SCAF8: variants seen among roughly 807,000 people sequenced by gnomAD.
The protein encoded by SCAF8 is SR-related and CTD-associated factor 8.
SCAF8 carries 23 observed loss-of-function variants against 140.5 expected under a neutral mutation model. The ratio of observed to expected loss-of-function variants is 0.16; its 90% CI spans 0.12 to 0.23. The LOEUF is 0.23. Among genes scored for constraint, SCAF8 ranks in the 10% least tolerant of loss-of-function variants. The pLI, the probability that SCAF8 is intolerant of heterozygous loss-of-function variation, is 1.00. For synonymous variants in SCAF8, 575 were observed against 528.9 expected, an observed-to-expected ratio of 1.09 and a Z score of -1.20; for missense variants, 1,397 against 1,555.7, an observed-to-expected ratio of 0.90 and a Z score of 1.72.
chr6:154,741,396 T>C (rs1329251496), intron 1 of SCAF8, among the ~76,000 whole-genome samples: 1 of 152,100 alleles, frequency 6.6e-6, no homozygotes, highest in Non-Finnish European at 1.5e-5. Flanking sequence ...AAGAGTCATA[T>C]TCTATGATCA....
intron 10 of SCAF8, 128 bp from the exon 11 acceptor site, chr6:154,808,558 A>G (rs1467066148): frequency 7.9e-6 from 5 of 632,592 alleles, no homozygotes; most frequent in Non-Finnish European, 1.4e-5. Flanking sequence ...AGGGAAGCCA[A>G]AAGATTGGAC....
At chr6:154,824,140 C>T in intron 16 of SCAF8, 94 bp from the exon 17 acceptor site, 1 of 1,284,002 alleles carries the variant, frequency 7.8e-7, no homozygotes, top group East Asian at 2.3e-5. Flanking sequence ...TATTTGTTAC[C>T]ATCCTGAAAG....
intron 1 of SCAF8, among the ~76,000 whole-genome samples, chr6:154,757,583 A>G (rs935924162): frequency 2.6e-5 from 4 of 152,212 alleles, no homozygotes; most frequent in African/African-American, 9.7e-5. Flanking sequence ...ATGCTTGGAT[A>G]CCTAATATGT....
At chr6:154,792,492 C>T (rs1476524171) in intron 4 of SCAF8, among the ~76,000 whole-genome samples, 3 of 152,168 alleles carry the variant, frequency 2.0e-5, no homozygotes, top group Non-Finnish European at 2.9e-5. Context: ...AATCCTGGCT[C>T]ATCCTCAGAA....
In SCAF8 at chr6:154,733,445, C is replaced by A; in HGVS notation, c.-456C>A. ...TGGATGCCGCAGCCGCTGCTGCCAG[C>A]GCTTCCTCCTCTGTCTTCGCCGAGC... On this transcript the variant is annotated 5_prime_UTR_variant, in exon 1 of 20. Transcript: ENST00000367178. The A allele has an allele frequency of 7.2e-7, 1 of 1,393,880 alleles. No homozygotes were observed. Among genetic ancestry groups the A allele is most frequent in the South Asian group, 1.5e-5 (1 of 65,878 alleles). 86.3% of individuals were successfully genotyped at this position (1,393,880 alleles called of 1,614,324 possible).
Position 154,733,854 on chromosome 6 carries a change from G to A in SCAF8, c.-47G>A, listed in dbSNP as rs1778331909. 6.5e-7 allele frequency: 1 copy of A among 1,542,858 alleles called. No homozygotes were observed. The highest frequency in any genetic ancestry group is 2.1e-5 in the Admixed American group (1 of 47,176). On this transcript the variant is annotated 5_prime_UTR_variant, in exon 1 of 20. Coordinates refer to ENST00000367178, the MANE Select transcript of SCAF8 (RefSeq NM_014892.5). ...CTCGCTCTCCCCACCCAGTGCAGTGGCCGCCGCCTCTTCCGCCGCCGGGCT... is the reference window on the plus strand; with the variant it reads ...CTCGCTCTCCCCACCCAGTGCAGTGACCGCCGCCTCTTCCGCCGCCGGGCT...
At chr6:154,792,703 A>G (rs545199210) in intron 4 of SCAF8, 120 bp from the exon 5 acceptor site, 2 of 617,024 alleles carry the variant, frequency 3.2e-6, no homozygotes, top group Admixed American at 3.6e-5. Flanking sequence ...AGGGCTAGAA[A>G]GTACCATTGA....
In SCAF8 at chr6:154,833,252, C is replaced by T. The variant is rs1778805620; in HGVS notation, c.3673C>T (p.Pro1225Ser). The T allele has an allele frequency of 6.2e-7, 1 of 1,613,948 alleles. No homozygotes were observed. Among genetic ancestry groups the T allele is most frequent in the East Asian group, 2.2e-5 (1 of 44,836 alleles). ...NGENTERHAQ[P>S]PPIPVQNDPE... Reference sequence around the variant, plus strand: ...TGAAAATACAGAGAGACATGCTCAGCCACCACCTATACCAGTACAGAATGA... The same window carrying T: ...TGAAAATACAGAGAGACATGCTCAGTCACCACCTATACCAGTACAGAATGA... Residue 1225 changes from proline to serine, a missense_variant, in exon 20 of 20, where the codon CCA (proline) becomes TCA (serine). By Grantham distance (74) the Pro-to-Ser change is moderately conservative (BLOSUM62 -1). This residue lies in a region of SCAF8 where 930 missense variants were observed against 874.6 expected (regional missense o/e 1.06). Transcript: ENST00000367178.
intron 18 of SCAF8, among the ~76,000 whole-genome samples, chr6:154,829,035 C>T (rs1357333672): frequency 3.3e-5 from 5 of 152,068 alleles, no homozygotes; most frequent in Non-Finnish European, 7.4e-5. Context: ...ACTAGGGGTA[C>T]ATGTGCAGGT....
intron 9 of SCAF8, among the ~76,000 whole-genome samples, chr6:154,806,287 G>A (rs1275611057): frequency 2.0e-5 from 3 of 152,112 alleles, no homozygotes; most frequent in African/African-American, 7.2e-5. Flanking sequence ...TTATTTCAAA[G>A]CCTTTTTCTG....
chr6:154,744,676 T>G (rs1390101904), intron 1 of SCAF8, among the ~76,000 whole-genome samples: 3 of 152,230 alleles, frequency 2.0e-5, no homozygotes, highest in Admixed American at 2.0e-4. Flanking sequence ...TCATTCAATT[T>G]TTCATAGGTT....
At chr6:154,764,280 T>A (rs1370960763) in intron 1 of SCAF8, among the ~76,000 whole-genome samples, 3 of 150,866 alleles carry the variant, frequency 2.0e-5, no homozygotes, top group Non-Finnish European at 4.4e-5. Context: ...TTCTTTCCTT[T>A]TTTTTTTTTT....
chr6:154,765,920 A>G (rs182166205), intron 1 of SCAF8, among the ~76,000 whole-genome samples: 2 of 152,098 alleles, frequency 1.3e-5, no homozygotes, highest in East Asian at 3.9e-4. Context: ...AGGGGCGCCA[A>G]CCCCCGTGTA....
At chr6:154,773,885 C>A in intron 1 of SCAF8, 104 bp from the exon 2 acceptor site, 1 of 753,744 alleles carries the variant, frequency 1.3e-6, no homozygotes. Flanking sequence ...AAAAGAAAAG[C>A]AGTATGTTGG....
intron 12 of SCAF8, 142 bp from the exon 13 acceptor site, chr6:154,815,574 G>A (rs1778226328): frequency 5.4e-6 from 2 of 370,324 alleles, no homozygotes; most frequent in Admixed American, 3.7e-5. Context: ...CATAACAGAT[G>A]CAAGTGTTCA....
intron 15 of SCAF8, 38 bp from the exon 16 acceptor site, chr6:154,822,238 C>G (rs763312089): frequency 1.1e-5 from 17 of 1,572,574 alleles, no homozygotes; most frequent in Non-Finnish European, 1.0e-5. Context: ...AAAAGTTGCA[C>G]CTATCCAAAG....
At chr6:154,806,586 G>A (rs1777920979) in intron 9 of SCAF8, among the ~76,000 whole-genome samples, 1 of 152,158 alleles carries the variant, frequency 6.6e-6, no homozygotes, top group Non-Finnish European at 1.5e-5. Context: ...AGGTACAGCT[G>A]AAGGATTCTA....
In SCAF8 at chr6:154,805,337, T is replaced by TA. The variant is rs1308588126; in HGVS notation, c.864-28dup. 5 of 1,319,178 alleles carry TA rather than the reference T, an allele frequency of 3.8e-6. No individual in the cohort carries two copies. In the South Asian group the frequency reaches 6.1e-5, roughly 16 times the overall value. 81.7% of individuals were successfully genotyped at this position (1,319,178 alleles called of 1,614,324 possible). On this transcript the variant is annotated intron_variant, in intron 8 of 19. Transcript: ENST00000367178. The stretch of plus-strand genomic sequence containing the variant: ...TTTTCATAGTATCTTTAGTGGGTTT[T>TA]AAAATATGTTTCCACCTGTTTTTCC...
In SCAF8 at chr6:154,788,122, CATA is replaced by C. The variant is rs1057161182; in HGVS notation, c.321+103_321+105del. ...ATTATCTTAGTACAGTCATGTGCCA[CATA>C]ATGATGTTTCAATGACAGACCGCAT... On this transcript the variant is annotated intron_variant, in intron 4 of 19. Coordinates refer to ENST00000367178, the MANE Select transcript of SCAF8 (RefSeq NM_014892.5). 10 of 999,476 alleles carry C rather than the reference CATA, an allele frequency of 1.0e-5. No homozygotes were observed. In the African/African-American group the frequency reaches 1.1e-4, roughly 11 times the overall value. 61.9% of individuals were successfully genotyped at this position (999,476 alleles called of 1,614,324 possible). A position where few individuals can be genotyped will look rare whatever the true frequency, so the allele number is the denominator to read the frequency against.
Sources: allele counts gnomAD v4.1 joint callset (sites outside exome capture counted in the v4.1 genomes callset), GRCh38; gene constraint gnomAD v4.1.1; regional missense constraint gnomAD v4.1.1; transcripts MANE v1.5; gene names NCBI Gene and HGNC (gene_info 2026-07-23, HGNC 2026-07-21).